PNPLA1: variants seen among roughly 807,000 people sequenced by gnomAD.
PNPLA1 encodes the protein omega-hydroxyceramide transacylase.
Under a neutral mutation model 51.7 loss-of-function variants are expected in PNPLA1, and 36 were observed. The observed-to-expected ratio is 0.70, with a 90% confidence interval of 0.53 to 0.92. PNPLA1 has a LOEUF of 0.92. PNPLA1 is among the 40% of genes least tolerant of loss of function. PNPLA1 has a pLI of 0.00. For missense variants in PNPLA1, 658 were observed against 682.5 expected (o/e 0.96, Z 0.40); for synonymous variants, 293 against 280.1 (o/e 1.05, Z -0.46).
At chr6:36,274,135 T>G (rs536539611) in intron 1 of PNPLA1, among the ~76,000 whole-genome samples, 1 of 152,334 alleles carries the variant, frequency 6.6e-6, no homozygotes, top group South Asian at 2.1e-4. Flanking sequence ...ACTTGTTCAG[T>G]CCTCACAACA....
At chr6:36,304,818 G>C (rs1253963954) in intron 6 of PNPLA1, among the ~76,000 whole-genome samples, 1 of 152,126 alleles carries the variant, frequency 6.6e-6, no homozygotes, top group African/African-American at 2.4e-5. Context: ...GGTGGATAGA[G>C]GGCATATATA....
chr6:36,282,653 C>T lies in PNPLA1; in HGVS notation c.206-8667C>T, dbSNP rs866202906. On this transcript the variant is annotated intron_variant, in intron 1 of 8. Coordinates refer to ENST00000636260, the MANE Select transcript of PNPLA1 (RefSeq NM_001374623.1). ...TGCCAGGCACTGTATCCCTAACAAC[C>T]TTGCTTGATCTGTGTGTATGTGTGT... Among the ~76,000 whole-genome samples the T allele has an allele frequency of 3.3e-5, 5 of 152,272 alleles. No individual in the cohort carries two copies. In the Middle Eastern group the frequency reaches 0.01, roughly 311 times the overall value.
At position 36,302,142 on chromosome 6, in the gene PNPLA1, C is replaced by T. The variant is rs1470838336; in HGVS notation, c.1057C>T (p.Pro353Ser). Reference sequence around the variant, plus strand: ...AGCACCAGTCTCTCCACTTGAGCAGCCACCTGCACAGCCACTGGCCTCTTC... The same window carrying T: ...AGCACCAGTCTCTCCACTTGAGCAGTCACCTGCACAGCCACTGGCCTCTTC... ...VSAPVSPLEQPPAQPLASSTP... is the reference protein window; with the variant it reads ...VSAPVSPLEQSPAQPLASSTP... The change falls in exon 6 of 9, where the codon CCA becomes TCA. Residue 353 changes from proline to serine, a missense_variant. Pro to Ser is a moderately conservative substitution (Grantham distance 74, BLOSUM62 -1). Transcript: ENST00000636260. 3.1e-6 allele frequency: 5 copies of T among 1,614,226 alleles called. No individual in the cohort carries two copies. The highest frequency in any genetic ancestry group is 1.7e-5 in the Admixed American group (1 of 60,032).
In PNPLA1 at chr6:36,291,404, T is replaced by G. The variant is rs543029668; in HGVS notation, c.290T>G (p.Val97Gly). 2 of 1,614,152 alleles carry G rather than the reference T, an allele frequency of 1.2e-6. No individual in the cohort carries two copies. The highest frequency in any genetic ancestry group is 1.1e-5 in the South Asian group (1 of 91,086). The stretch of plus-strand genomic sequence containing the variant: ...CCCTTGTCCCCGTCCTGTAAGATGG[T>G]GCAGATGATGAGGCAGTTTCTGTAC... ...LGPLSPSCKM[V>G]QMMRQFLYRV... The change falls in exon 2 of 9, where the codon GTG (valine) becomes GGG (glycine). Residue 97 changes from valine (V) to glycine (G), a missense_variant. Transcript: ENST00000636260.
At chr6:36,251,187 C>T (rs1769415563) in intron 1 of PNPLA1, among the ~76,000 whole-genome samples, 1 of 152,094 alleles carries the variant, frequency 6.6e-6, no homozygotes, top group Admixed American at 6.5e-5. Flanking sequence ...ACTCATTTAA[C>T]TAACTATTCA....
intron 1 of PNPLA1, among the ~76,000 whole-genome samples, chr6:36,259,068 A>AT (rs1334041871): frequency 1.3e-5 from 2 of 152,126 alleles, no homozygotes; most frequent in Non-Finnish European, 2.9e-5. Context: ...CCAACTCATC[A>AT]TTGTGTTGTG....
chr6:36,301,741 G>A, intron 5 of PNPLA1, 120 bp from the exon 6 acceptor site: 3 of 1,325,330 alleles, frequency 2.3e-6, no homozygotes, highest in South Asian at 1.4e-5. Context: ...ATTCAAGTAA[G>A]TACAGAAAGA....
chr6:36,266,172 C>A (rs1769755117), upstream of PNPLA1, among the ~76,000 whole-genome samples: 1 of 152,190 alleles, frequency 6.6e-6, no homozygotes, highest in South Asian at 2.1e-4. Flanking sequence ...CTCCAACGAG[C>A]CTTGAGATGA....
At chr6:36,247,991 A>G (rs541344826) in intron 1 of PNPLA1, among the ~76,000 whole-genome samples, 1 of 152,274 alleles carries the variant, frequency 6.6e-6, no homozygotes, top group African/African-American at 2.4e-5. Context: ...AGAAGGACAC[A>G]TGGGTGCTGC....
intron 1 of PNPLA1, among the ~76,000 whole-genome samples, chr6:36,288,709 C>T (rs1312929087): frequency 8.6e-5 from 13 of 152,016 alleles, no homozygotes; most frequent in African/African-American, 2.7e-4. Context: ...CCACCCGCCT[C>T]GGCCTCCCAA....
chr6:36,300,178 T>TGTGTGTGTGTGAGAGAGAGAGAGAGA, intron 5 of PNPLA1, among the ~76,000 whole-genome samples: 1 of 98,138 alleles, frequency 1.0e-5, no homozygotes, highest in South Asian at 3.1e-4. Context: ...TGTGTGTGTG[T>TGTGTGTGTGTGAGAGAGAGAGAGAGA]GAGAGAGAGA....
rs545351927 is a variant in PNPLA1, at chr6:36,289,911, TG to T, written c.206-1406del. ...TTGTCCCCAGATTGCCATGTGACTT[TG>T]GGTAAATCACTTAACCTCTCTGTGT... On this transcript the variant is annotated intron_variant, in intron 1 of 8. Coordinates refer to ENST00000636260, the MANE Select transcript of PNPLA1 (RefSeq NM_001374623.1). Among the ~76,000 whole-genome samples, 603 of 152,344 alleles carry T rather than the reference TG, an allele frequency of 4.0e-3. 3 individuals carry two copies. Among genetic ancestry groups the T allele is most frequent in the Non-Finnish European group, 7.3e-3 (494 of 68,028 alleles).
intron 3 of PNPLA1, among the ~76,000 whole-genome samples, chr6:36,293,728 T>C (rs566439761): frequency 1.3e-5 from 2 of 152,336 alleles, no homozygotes; most frequent in South Asian, 4.1e-4. Context: ...ATGGAGCTTG[T>C]ATTGCATGTC....
At chr6:36,264,339 T>G (rs938446948) in intron 1 of PNPLA1, among the ~76,000 whole-genome samples, 1 of 152,200 alleles carries the variant, frequency 6.6e-6, no homozygotes, top group Non-Finnish European at 1.5e-5. Context: ...GGTCTCATAA[T>G]GGGTCACCAG....
chr6:36,289,677 TC>T lies in PNPLA1; in HGVS notation c.206-1641del, dbSNP rs1770616475. On this transcript the variant is annotated intron_variant, in intron 1 of 8. Coordinates refer to ENST00000636260, the MANE Select transcript of PNPLA1 (RefSeq NM_001374623.1). ...TCAGCCTCTTCATTCCTGAGATCAG[TC>T]CAAGCCCCAGGGAAAGAAGGTGGGG... Among the ~76,000 whole-genome samples, 8 of 151,758 alleles carry T rather than the reference TC, an allele frequency of 5.3e-5. No homozygotes were observed. The South Asian group carries it at 1.7e-3, about 32-fold the overall frequency.
chr6:36,304,931 G>A (rs1771185492), intron 6 of PNPLA1, among the ~76,000 whole-genome samples: 1 of 152,152 alleles, frequency 6.6e-6, no homozygotes, highest in Non-Finnish European at 1.5e-5. Context: ...TGGGGACACT[G>A]AAAAATATCC....
Position 36,313,325 on chromosome 6 carries a change from A to C in PNPLA1, c.*1439A>C, listed in dbSNP as rs1283632609. 5.9e-5 allele frequency among the ~76,000 whole-genome samples: 9 copies of C among 152,212 alleles called. No homozygotes were observed. The highest frequency in any genetic ancestry group is 1.3e-4 in the Non-Finnish European group (9 of 68,030). The stretch of plus-strand genomic sequence containing the variant: ...ATTGCCCCCCTCCTCCCCAGAGAGC[A>C]GACAACCTCCAGGTCCCGCCAGGCC... On this transcript the variant is annotated 3_prime_UTR_variant, in exon 9 of 9. Transcript: ENST00000636260.
chr6:36,309,996 G>A (rs1422253798), intron 8 of PNPLA1, among the ~76,000 whole-genome samples: 1 of 152,182 alleles, frequency 6.6e-6, no homozygotes, highest in Non-Finnish European at 1.5e-5. Context: ...AAAAGCTAAA[G>A]TGTAGATGTC....
At chr6:36,244,359 CA>C (rs974795759) in intron 1 of PNPLA1, among the ~76,000 whole-genome samples, 47 of 148,730 alleles carry the variant, frequency 3.2e-4, no homozygotes, top group Admixed American at 2.5e-3. Flanking sequence ...ATTTTTTAGA[CA>C]AAAAAAATGG....
Sources: allele counts gnomAD v4.1 joint callset (sites outside exome capture counted in the v4.1 genomes callset), GRCh38; gene constraint gnomAD v4.1.1; transcripts MANE v1.5; gene names NCBI Gene and HGNC (gene_info 2026-07-23, HGNC 2026-07-21).